The following CAPZB variants were observed in gnomAD, a reference collection of about 807,000 sequenced individuals.
CAPZB encodes the protein capping actin protein of muscle Z-line subunit beta, also known as F-actin-capping protein subunit beta.
In CAPZB, 2 loss-of-function variants were observed where a neutral mutation model predicts 38.1. The observed-to-expected ratio is 0.05, with a 90% CI of 0.02 to 0.17. The LOEUF (loss-of-function observed/expected upper bound fraction) is 0.17, where lower values mean the gene tolerates loss of function less well. CAPZB is among the 10% of genes least tolerant of loss of function. CAPZB has a pLI of 1.00. For synonymous variants in CAPZB, 107 were observed against 127.4 expected (o/e 0.84, Z 1.08); for missense variants, 161 against 334.2 (o/e 0.48, Z 4.04).
Position 19,447,252 on chromosome 1 carries a change from T to TG in CAPZB, c.4-27503dup, listed in dbSNP as rs1399027932. ...TAAAACTCGACATAGACAGAGACATTGGGCAGCACCAGACCTAATCTTTTT... is the reference window on the plus strand; with the variant it reads ...TAAAACTCGACATAGACAGAGACATTGGGGCAGCACCAGACCTAATCTTTTT... On this transcript the variant is annotated intron_variant, in intron 1 of 8. Transcript: ENST00000264202. Among the ~76,000 whole-genome samples, 5 of 144,930 alleles carry TG rather than the reference T, an allele frequency of 3.4e-5. No homozygotes were observed. The East Asian group carries it at 8.3e-4, about 24-fold the overall frequency.
intron 7 of CAPZB, 137 bp from the exon 8 acceptor site, chr1:19,344,571 G>A (rs780024849): frequency 8.6e-6 from 6 of 696,756 alleles, no homozygotes; most frequent in South Asian, 3.3e-5. Context: ...GCATCAGTGA[G>A]CGCGCTCCAG....
intron 2 of CAPZB, among the ~76,000 whole-genome samples, chr1:19,411,499 G>A (rs1281151876): frequency 6.6e-6 from 1 of 152,084 alleles, no homozygotes; most frequent in African/African-American, 2.4e-5. Flanking sequence ...TGGATACATC[G>A]TTGCAGTCTC....
rs551840814 is a variant in CAPZB at position 19,338,960 on chromosome 1, G to C, written c.*570C>G. 1 of 149,918 alleles carries C rather than the reference G, an allele frequency of 6.7e-6. No individual in the cohort carries two copies. The highest frequency in any genetic ancestry group is 2.1e-4 in the South Asian group (1 of 4,778). 9.3% of individuals were successfully genotyped at this position (149,918 alleles called of 1,614,324 possible). A position where few individuals can be genotyped will look rare whatever the true frequency, so the allele number is the denominator to read the frequency against. ...TGGCCGGAAGAGCGGAACGGTCGGC[G>C]GCACCCCCCCCAGCCCCCACCCCGC... On this transcript the variant is annotated 3_prime_UTR_variant, in exon 9 of 9. Transcript: ENST00000264202.
intron 1 of CAPZB, among the ~76,000 whole-genome samples, chr1:19,431,463 G>T (rs973977186): frequency 1.3e-5 from 2 of 152,188 alleles, no homozygotes; most frequent in African/African-American, 4.8e-5. Context: ...ACTTTGGGAG[G>T]CCAAGGTGGG....
At chr1:19,447,973 T>A (rs920751216) in intron 1 of CAPZB, among the ~76,000 whole-genome samples, 2 of 152,126 alleles carry the variant, frequency 1.3e-5, no homozygotes, top group Admixed American at 1.3e-4. Context: ...TCCGTCAGTG[T>A]GAAGAAAAGA....
intron 1 of CAPZB, among the ~76,000 whole-genome samples, chr1:19,451,647 C>A (rs1186803525): frequency 6.6e-6 from 1 of 151,838 alleles, no homozygotes; most frequent in Non-Finnish European, 1.5e-5. Flanking sequence ...GGGGAGTGGT[C>A]CCCAGAAACA....
chr1:19,484,197 G>A (rs1159748578), intron 1 of CAPZB: 10 of 1,612,018 alleles, frequency 6.2e-6, no homozygotes, highest in South Asian at 1.1e-5. Flanking sequence ...CACCTGATCC[G>A]AGGGACTTCC....
intron 1 of CAPZB, among the ~76,000 whole-genome samples, chr1:19,438,622 G>A (rs2094465823): frequency 1.3e-5 from 2 of 152,218 alleles, no homozygotes; most frequent in Admixed American, 1.3e-4. Flanking sequence ...AGGCCACGAA[G>A]ACCATCCTCG....
chr1:19,453,219 C>A (rs1181964628), intron 1 of CAPZB, among the ~76,000 whole-genome samples: 1 of 152,090 alleles, frequency 6.6e-6, no homozygotes, highest in Non-Finnish European at 1.5e-5. Context: ...TGTCACCGGG[C>A]CCCTGTGCTA....
chr1:19,443,605 GTTA>G (rs1243790537), intron 1 of CAPZB, among the ~76,000 whole-genome samples: 4 of 144,722 alleles, frequency 2.8e-5, no homozygotes, highest in East Asian at 2.0e-4. Context: ...GTATGCTTAA[GTTA>G]TTGTTGTTGT....
At chr1:19,415,746 C>G (rs1008574473) in intron 2 of CAPZB, among the ~76,000 whole-genome samples, 14 of 152,204 alleles carry the variant, frequency 9.2e-5, no homozygotes, top group African/African-American at 3.4e-4. Context: ...GCCATGTTGG[C>G]CAGGCTGGTC....
chr1:19,342,174 G>A (rs2093932886), intron 8 of CAPZB, among the ~76,000 whole-genome samples: 1 of 152,240 alleles, frequency 6.6e-6, no homozygotes, highest in Non-Finnish European at 1.5e-5. Flanking sequence ...AGTCGGCACT[G>A]GGCGTCCAGG....
intron 6 of CAPZB, among the ~76,000 whole-genome samples, chr1:19,354,038 C>T (rs12751502): frequency 0.19 from 29,652 of 152,172 alleles, 3,132 homozygotes; most frequent in Admixed American, 0.22. Flanking sequence ...GCACAGAGGA[C>T]GAATTAAGAC....
intron 1 of CAPZB, among the ~76,000 whole-genome samples, chr1:19,477,964 A>T (rs1218333176): frequency 6.6e-6 from 1 of 152,244 alleles, no homozygotes; most frequent in Non-Finnish European, 1.5e-5. Context: ...TGAGACAGCA[A>T]GCCCAAACAC....
rs570316552 is a variant in CAPZB at position 19,485,450 on chromosome 1, C to T, written c.-12G>A. On this transcript the variant is annotated 5_prime_UTR_variant, in exon 1 of 9. Transcript: ENST00000264202. Reference sequence around the variant, plus strand: ...GCGGCCTTTACCATGGTGGCGGCGGCGGCGGCGGTCCCGGTCCCGGCGTCA... The same window carrying T: ...GCGGCCTTTACCATGGTGGCGGCGGTGGCGGCGGTCCCGGTCCCGGCGTCA... 27 of 1,230,726 alleles carry T rather than the reference C, an allele frequency of 2.2e-5. No homozygotes were observed. In the South Asian group the frequency reaches 7.0e-4, roughly 32 times the overall value. The allele number at this position is 1,230,726 out of a possible 1,614,324, so 76.2% of individuals were successfully genotyped here. A position where few individuals can be genotyped will look rare whatever the true frequency, so the allele number is the denominator to read the frequency against.
chr1:19,356,683 G>T lies in CAPZB; in HGVS notation c.540C>A (p.Asn180Lys). 6.2e-7 allele frequency: 1 copy of T among 1,614,102 alleles called. No individual in the cohort carries two copies. The highest frequency in any genetic ancestry group is 8.5e-7 in the Non-Finnish European group (1 of 1,179,986). ...TSTVMLWLQTNKSGSGTMNLG... is the reference protein window; with the variant it reads ...TSTVMLWLQTKKSGSGTMNLG... Reference sequence around the variant, plus strand: ...GGTTCATGGTGCCAGAGCCAGATTTGTTGGTCTGCAGCCACAGCATCACCG... The same window carrying T: ...GGTTCATGGTGCCAGAGCCAGATTTTTTGGTCTGCAGCCACAGCATCACCG... The change falls in exon 6 of 9, where the codon AAC becomes AAA. Residue 180 changes from asparagine (N) to lysine (K), a missense_variant. Asn to Lys is a moderately conservative substitution (Grantham distance 94). Transcript: ENST00000264202. The surrounding 1 kb of genome is among the most constrained non-coding windows in gnomAD (Gnocchi z 4.3).
chr1:19,340,099 A>T (rs973367546), intron 8 of CAPZB, among the ~76,000 whole-genome samples: 1 of 152,138 alleles, frequency 6.6e-6, no homozygotes, highest in Non-Finnish European at 1.5e-5. Context: ...CCTCTATAAA[A>T]GCTTCTCCCT....
chr1:19,427,122 C>G (rs1325719418), intron 1 of CAPZB, among the ~76,000 whole-genome samples: 1 of 152,206 alleles, frequency 6.6e-6, no homozygotes, highest in African/African-American at 2.4e-5. Context: ...ACAGCCTCAC[C>G]GGAGTGTGTA....
intron 8 of CAPZB, among the ~76,000 whole-genome samples, chr1:19,340,919 C>T (rs1254047695): frequency 6.6e-6 from 1 of 152,112 alleles, no homozygotes; most frequent in Non-Finnish European, 1.5e-5. Context: ...CTCAGCCGGA[C>T]TCTCACGTTT....
Sources: allele counts gnomAD v4.1 joint callset (sites outside exome capture counted in the v4.1 genomes callset), GRCh38; gene constraint gnomAD v4.1.1; non-coding constraint Gnocchi (gnomAD v3.1); transcripts MANE v1.5; gene names NCBI Gene and HGNC (gene_info 2026-07-23, HGNC 2026-07-21).